The following PCDHGA5 variants were observed in gnomAD, a reference collection of about 807,000 sequenced individuals.
PCDHGA5 encodes the protein protocadherin gamma-A5.
PCDHGA5 carries 36 observed loss-of-function variants against 56.7 expected under a neutral mutation model. The ratio of observed to expected loss-of-function variants is 0.64; its 90% confidence interval spans 0.49 to 0.84. The LOEUF is 0.84. PCDHGA5 is among the 40% of genes least tolerant of loss of function. The pLI is 0.00. For missense variants in PCDHGA5, 1,305 were observed against 1,201.5 expected (o/e 1.09, Z -1.27); for synonymous variants, 563 against 520.2 (o/e 1.08, Z -1.12).
chr5:141,491,783 A>C lies in PCDHGA5; in HGVS notation c.2422-3024A>C. 1 of 1,539,736 alleles carries C rather than the reference A, an allele frequency of 6.5e-7. No individual in the cohort carries two copies. The highest frequency in any genetic ancestry group is 1.2e-5 in the South Asian group (1 of 82,444). On this transcript the variant is annotated intron_variant, in intron 1 of 3. Coordinates refer to ENST00000518069, the MANE Select transcript of PCDHGA5 (RefSeq NM_018918.3). The surrounding 1 kb of genome is among the most constrained non-coding windows in gnomAD (Gnocchi z 6.9). ...CGTCCTCATAAGGGATTGAACTTGC[A>C]TCCACTCCTCTCCGGCCGGCTTGGT...
Position 141,366,010 on chromosome 5 carries a change from T to C in PCDHGA5, c.1680T>C (p.Pro560=), listed in dbSNP as rs1764260638. The change falls in exon 1 of 4, where the codon CCT becomes CCC. Residue 560 remains proline, a synonymous_variant. Coordinates refer to ENST00000518069, the MANE Select transcript of PCDHGA5 (RefSeq NM_018918.3). ...LFVLDQNDNT[P]EILYPALPTD... is the part of the protein sequence containing the mutation. ...TGCTGGACCAGAACGACAATACGCC[T>C]GAGATCCTGTACCCCGCCCTCCCCA... is the stretch of plus-strand genomic sequence containing the variant. The C allele has an allele frequency of 1.2e-6, 2 of 1,614,114 alleles. No homozygotes were observed. The highest frequency in any genetic ancestry group is 1.7e-6 in the Non-Finnish European group (2 of 1,180,044).
chr5:141,394,048 G>A (rs1285768639), intron 1 of PCDHGA5: 5 of 1,613,504 alleles, frequency 3.1e-6, no homozygotes, highest in South Asian at 1.1e-5. Context: ...TATTTGGACC[G>A]AGAAAATGTC....
chr5:141,449,424 T>C (rs2098638345), intron 1 of PCDHGA5, among the ~76,000 whole-genome samples: 1 of 151,674 alleles, frequency 6.6e-6, no homozygotes, highest in Admixed American at 6.6e-5. Context: ...CTGGCCAACA[T>C]GATAAAACTC....
At chr5:141,421,651 A>C in intron 1 of PCDHGA5, 1 of 1,613,868 alleles carries the variant, frequency 6.2e-7, no homozygotes, top group Non-Finnish European at 8.5e-7. Flanking sequence ...AGTGGAGATA[A>C]AAGTCAGTGA....
At chr5:141,427,914 A>C in intron 1 of PCDHGA5, 1 of 1,576,800 alleles carries the variant, frequency 6.3e-7, no homozygotes, top group Non-Finnish European at 8.7e-7. Flanking sequence ...CAGCGCCAAC[A>C]TGAGCCGGCG....
chr5:141,403,601 G>A, intron 1 of PCDHGA5: 1 of 1,613,814 alleles, frequency 6.2e-7, no homozygotes, highest in Non-Finnish European at 8.5e-7. Flanking sequence ...GGCCTCGGAT[G>A]GCGGCGAGCC....
intron 1 of PCDHGA5, among the ~76,000 whole-genome samples, chr5:141,445,180 GT>G (rs745433969): frequency 6.6e-6 from 1 of 152,148 alleles, no homozygotes; most frequent in Non-Finnish European, 1.5e-5. Flanking sequence ...GAAAAACTAT[GT>G]TTTTATGTAT....
intron 2 of PCDHGA5, among the ~76,000 whole-genome samples, chr5:141,501,476 A>T (rs1274017343): frequency 3.3e-5 from 5 of 152,044 alleles, no homozygotes; most frequent in Admixed American, 3.3e-4. Context: ...ATCCTGGAAG[A>T]GTCCCTCATA....
rs749769645 is a variant in PCDHGA5, at chr5:141,376,049, G to A, written c.2421+9298G>A. On this transcript the variant is annotated intron_variant, in intron 1 of 3. Transcript: ENST00000518069. ...GGACCACGGCCAGCCCCCTCTCTCCGCCACTGTCACGCTCACCGTGGCCGT... is the reference window on the plus strand; with the variant it reads ...GGACCACGGCCAGCCCCCTCTCTCCACCACTGTCACGCTCACCGTGGCCGT... The A allele has an allele frequency of 1.9e-5, 31 of 1,613,116 alleles. No homozygotes were observed. The highest frequency in any genetic ancestry group is 2.2e-5 in the East Asian group (1 of 44,870).
At chr5:141,369,672 A>G (rs545394407) in intron 1 of PCDHGA5, among the ~76,000 whole-genome samples, 2 of 152,370 alleles carry the variant, frequency 1.3e-5, no homozygotes, top group East Asian at 3.9e-4. Flanking sequence ...AAGAGAAGAA[A>G]GTGAAACATA....
At position 141,364,297 on chromosome 5, in the gene PCDHGA5, C is replaced by A; in HGVS notation, c.-34C>A. On this transcript the variant is annotated 5_prime_UTR_variant, in exon 1 of 4. Transcript: ENST00000518069. Reference sequence around the variant, plus strand: ...TAAATAAGGAAACAGCAGGCTGAACCAGAACTAAGAGAAAATTGGGCAGAG... The same window carrying A: ...TAAATAAGGAAACAGCAGGCTGAACAAGAACTAAGAGAAAATTGGGCAGAG... The A allele has an allele frequency of 6.6e-7, 1 of 1,520,028 alleles. No individual in the cohort carries two copies. Among genetic ancestry groups the A allele is most frequent in the Non-Finnish European group, 8.8e-7 (1 of 1,136,684 alleles). 94.2% of individuals were successfully genotyped at this position (1,520,028 alleles called of 1,614,324 possible). A position where few individuals can be genotyped will look rare whatever the true frequency, so the allele number is the denominator to read the frequency against.
intron 1 of PCDHGA5, among the ~76,000 whole-genome samples, chr5:141,382,019 G>T (rs1777875192): frequency 6.6e-6 from 1 of 151,628 alleles, no homozygotes; most frequent in South Asian, 2.1e-4. Flanking sequence ...AGTAGAGACG[G>T]GGTTTCTCCA....
intron 1 of PCDHGA5, chr5:141,421,731 C>G (rs73792198): frequency 6.2e-7 from 1 of 1,613,742 alleles, no homozygotes; most frequent in Non-Finnish European, 8.5e-7. Flanking sequence ...TGAACTCCCT[C>G]CAGAGCTACC....
intron 2 of PCDHGA5, among the ~76,000 whole-genome samples, 170 bp from the exon 3 acceptor site, chr5:141,505,223 A>G (rs746167057): frequency 1.9e-4 from 29 of 152,176 alleles, no homozygotes; most frequent in Admixed American, 6.5e-5. Flanking sequence ...GACTTGTGGG[A>G]TTCTGGCTTC....
In PCDHGA5 at chr5:141,365,752, G is replaced by A; in HGVS notation, c.1422G>A (p.Val474=). 1 of 1,613,696 alleles carries A rather than the reference G, an allele frequency of 6.2e-7. No homozygotes were observed. Among genetic ancestry groups the A allele is most frequent in the African/African-American group, 1.3e-5 (1 of 74,968 alleles). Residue 474 remains valine, a synonymous_variant, in exon 1 of 4, where the codon GTG becomes GTA. Transcript: ENST00000518069. ...NNPRGVSIFS[V]TAHDPDSGDN... ...CCAGAGGTGTCTCTATCTTCTCTGT[G>A]ACAGCCCATGACCCCGACAGCGGCG...
chr5:141,472,980 C>CAAAAAAAAAAAAAAAAGAAAAAAAAA (rs2099308501), intron 1 of PCDHGA5, among the ~76,000 whole-genome samples: 1 of 86,106 alleles, frequency 1.2e-5, no homozygotes, highest in Non-Finnish European at 2.5e-5. Context: ...GAGTGAAACT[C>CAAAAAAAAAAAAAAAAGAAAAAAAAA]AAAAAAAAAA....
At chr5:141,422,053 G>A in intron 1 of PCDHGA5, 1 of 1,611,606 alleles carries the variant, frequency 6.2e-7, no homozygotes, top group Non-Finnish European at 8.5e-7. Context: ...GGGAATCAAC[G>A]GGGAAGTAAT....
chr5:141,389,704 TG>T (rs1341184136), intron 1 of PCDHGA5: 5 of 1,612,632 alleles, frequency 3.1e-6, no homozygotes, highest in Admixed American at 3.3e-5. Context: ...TACCACGTGC[TG>T]CAGGCTAGCG....
intron 1 of PCDHGA5, among the ~76,000 whole-genome samples, chr5:141,465,279 C>T (rs975247599): frequency 3.3e-5 from 5 of 152,028 alleles, no homozygotes; most frequent in South Asian, 2.1e-4. Flanking sequence ...TTTAGTTCAC[C>T]CCTAAAGAAC....
Sources: gnomAD v4.1 joint callset for allele counts (sites outside exome capture counted in the v4.1 genomes callset) on GRCh38, gnomAD v4.1.1 for gene constraint, Gnocchi (gnomAD v3.1) non-coding constraint, MANE v1.5 for transcripts, NCBI Gene and HGNC (gene_info 2026-07-23, HGNC 2026-07-21) for gene names.